Variants in NSRP1 observed in about 807,000 individuals in gnomAD.
NSRP1 encodes the protein coiled-coil domain containing 55.
NSRP1 carries 24 observed loss-of-function variants against 54.7 expected under a neutral mutation model. The ratio of observed to expected loss-of-function variants is 0.44; its 90% CI spans 0.32 to 0.62. The LOEUF (loss-of-function observed/expected upper bound fraction) is 0.62, where lower values mean the gene tolerates loss of function less well. NSRP1 is among the 20% of genes least tolerant of loss of function. NSRP1 has a pLI of 0.06. For missense variants in NSRP1, 596 were observed against 651.2 expected, an observed-to-expected ratio of 0.92 and a Z score of 0.92; for synonymous variants, 210 against 213.8, an observed-to-expected ratio of 0.98 and a Z score of 0.15.
At chr17:30,174,360 C>A (rs1177812111) in intron 3 of NSRP1, among the ~76,000 whole-genome samples, 1 of 152,170 alleles carries the variant, frequency 6.6e-6, no homozygotes, top group Non-Finnish European at 1.5e-5. Context: ...TTGTTCCCCA[C>A]TTGATTGATT....
intron 2 of NSRP1, among the ~76,000 whole-genome samples, chr17:30,139,616 G>A (rs2071784364): frequency 6.6e-6 from 1 of 151,884 alleles, no homozygotes; most frequent in Non-Finnish European, 1.5e-5. Flanking sequence ...TGTTGATTTT[G>A]CTCTCCCTCT....
At chr17:30,125,984 C>T (rs2071646410) in intron 2 of NSRP1, 1 of 152,134 alleles carries the variant, frequency 6.6e-6, no homozygotes, top group African/African-American at 2.4e-5. Flanking sequence ...ATGCTGCTAT[C>T]AATTCATAAG....
At chr17:30,142,411 G>A (rs1287944129) in intron 2 of NSRP1, among the ~76,000 whole-genome samples, 4 of 151,224 alleles carry the variant, frequency 2.6e-5, no homozygotes, top group South Asian at 4.2e-4. Context: ...CTGCAGCCTC[G>A]AACTCCTGGG....
At chr17:30,130,082 ATTTTTC>A (rs940249603) in intron 2 of NSRP1, among the ~76,000 whole-genome samples, 1 of 151,904 alleles carries the variant, frequency 6.6e-6, no homozygotes, top group Non-Finnish European at 1.5e-5. Flanking sequence ...TGTCCTCCTT[ATTTTTC>A]TTTTTCTTTT....
chr17:30,138,936 G>C (rs1388075251), intron 2 of NSRP1, among the ~76,000 whole-genome samples: 1 of 2,800 alleles, frequency 3.6e-4, no homozygotes, highest in Non-Finnish European at 1.0e-3. Flanking sequence ...TTTTTTTTTT[G>C]AGATGGAGTC....
intron 3 of NSRP1, among the ~76,000 whole-genome samples, chr17:30,174,834 T>C (rs1905072756): frequency 6.6e-6 from 1 of 152,226 alleles, no homozygotes; most frequent in Non-Finnish European, 1.5e-5. Flanking sequence ...AAGCATAAAA[T>C]GTTATCATTT....
chr17:30,167,196 A>G (rs1904763620), intron 2 of NSRP1, among the ~76,000 whole-genome samples: 1 of 152,132 alleles, frequency 6.6e-6, no homozygotes, highest in Admixed American at 6.5e-5. Context: ...AGTTCCTTCC[A>G]TGTTGCTGTA....
intron 1 of NSRP1, among the ~76,000 whole-genome samples, chr17:30,117,752 T>C (rs2071553433): frequency 6.8e-6 from 1 of 146,516 alleles, no homozygotes. Flanking sequence ...AACTTTCCAC[T>C]ACACATGTTT....
chr17:30,124,691 A>T (rs1163300873), intron 2 of NSRP1, among the ~76,000 whole-genome samples: 1 of 152,242 alleles, frequency 6.6e-6, no homozygotes, highest in Non-Finnish European at 1.5e-5. Context: ...CTTGTCCAGA[A>T]GGAGCAGAAA....
intron 2 of NSRP1, among the ~76,000 whole-genome samples, chr17:30,164,951 ATCT>A (rs1904677557): frequency 6.6e-6 from 1 of 152,204 alleles, no homozygotes; most frequent in African/African-American, 2.4e-5. Context: ...TTCAGCCTTA[ATCT>A]TTTTTTAAAC....
At chr17:30,123,167 T>C (rs1199533894) in intron 2 of NSRP1, among the ~76,000 whole-genome samples, 1 of 152,232 alleles carries the variant, frequency 6.6e-6, no homozygotes, top group African/African-American at 2.4e-5. Flanking sequence ...TGGCACGAAC[T>C]TGGCTCACTA....
At chr17:30,176,421 C>T (rs1449660276) in intron 3 of NSRP1, among the ~76,000 whole-genome samples, 1 of 151,924 alleles carries the variant, frequency 6.6e-6, no homozygotes, top group African/African-American at 2.4e-5. Flanking sequence ...ACAGCTTGAC[C>T]AACATAGTGA....
intron 2 of NSRP1, among the ~76,000 whole-genome samples, chr17:30,165,060 C>G (rs79002151): frequency 1.0e-3 from 155 of 152,240 alleles, no homozygotes; most frequent in African/African-American, 3.4e-3. Context: ...ACAAAATACC[C>G]TTGAAAGTAA....
chr17:30,150,625 C>G (rs1404450256), intron 2 of NSRP1: 1 of 151,168 alleles, frequency 6.6e-6, no homozygotes, highest in African/African-American at 2.4e-5. Flanking sequence ...CCTCCTCGGC[C>G]TCCCAAAGTG....
intron 2 of NSRP1, among the ~76,000 whole-genome samples, chr17:30,120,817 C>G (rs867126305): frequency 2.6e-5 from 4 of 152,180 alleles, no homozygotes; most frequent in African/African-American, 9.7e-5. Flanking sequence ...GAACACAGGC[C>G]TATCTGACCT....
At position 30,167,896 on chromosome 17, in the gene NSRP1, TAC is replaced by T. The variant is rs1904793402; in HGVS notation, c.115-4644_115-4643del. Among the ~76,000 whole-genome samples the T allele has an allele frequency of 6.6e-5, 10 of 152,312 alleles. No homozygotes were observed. In the South Asian group the frequency reaches 1.9e-3, roughly 28 times the overall value. On this transcript the variant is annotated intron_variant, in intron 2 of 6. Coordinates refer to ENST00000247026, the MANE Select transcript of NSRP1 (RefSeq NM_032141.4). Reference sequence around the variant, plus strand: ...CCACTCTAATGGTCAACAGTACATGTACAGTTATAATAATACTTATGTTACTC... The same window carrying T: ...CCACTCTAATGGTCAACAGTACATGTAGTTATAATAATACTTATGTTACTC...
At chr17:30,179,437 A>C in intron 5 of NSRP1, 140 bp downstream of exon 5, 1 of 1,285,452 alleles carries the variant, frequency 7.8e-7, no homozygotes, top group South Asian at 2.5e-5. Context: ...GACACAAGGA[A>C]TATGGTATTA....
chr17:30,133,623 C>T (rs1023429573), intron 2 of NSRP1, among the ~76,000 whole-genome samples: 3 of 152,184 alleles, frequency 2.0e-5, no homozygotes, highest in African/African-American at 7.2e-5. Context: ...CAAGCGTTGA[C>T]TTCTCTTGGG....
At chr17:30,175,561 T>G (rs1300864699) in intron 3 of NSRP1, among the ~76,000 whole-genome samples, 1 of 151,964 alleles carries the variant, frequency 6.6e-6, no homozygotes, top group Non-Finnish European at 1.5e-5. Flanking sequence ...AGCCTCCTGA[T>G]AGCTGGGATT....
Sources: allele counts gnomAD v4.1 joint callset (sites outside exome capture counted in the v4.1 genomes callset), GRCh38; gene constraint gnomAD v4.1.1; transcripts MANE v1.5; gene names NCBI Gene and HGNC (gene_info 2026-07-23, HGNC 2026-07-21).